The following DIS3L2 variants were observed in gnomAD, a reference collection of about 807,000 sequenced individuals.
DIS3L2 encodes the protein DIS3-like exonuclease 2.
A neutral mutation model predicts 97.5 loss-of-function variants in DIS3L2; 34 were observed. The ratio of observed to expected loss-of-function variants is 0.35; its 90% confidence interval spans 0.27 to 0.46. The LOEUF is 0.46. DIS3L2 is among the 20% of genes least tolerant of loss of function. The pLI is 1.00. For synonymous variants in DIS3L2, 435 were observed against 445.2 expected (o/e 0.98, Z 0.29); for missense variants, 1,038 against 1,146.0 (o/e 0.91, Z 1.36).
At chr2:232,257,705 G>A (rs1369563074) in intron 12 of DIS3L2, among the ~76,000 whole-genome samples, 2 of 152,204 alleles carry the variant, frequency 1.3e-5, no homozygotes, top group Admixed American at 1.3e-4. Flanking sequence ...TTAATGAAGT[G>A]CTGACATTTT....
At chr2:232,187,253 TAAC>T (rs1691465946) in intron 9 of DIS3L2, among the ~76,000 whole-genome samples, 2 of 152,138 alleles carry the variant, frequency 1.3e-5, no homozygotes, top group Non-Finnish European at 2.9e-5. Context: ...AAAATACAGA[TAAC>T]AAGTGTTGGT....
At chr2:232,083,577 C>A (rs944940563) in intron 5 of DIS3L2, among the ~76,000 whole-genome samples, 10 of 151,830 alleles carry the variant, frequency 6.6e-5, no homozygotes, top group Non-Finnish European at 1.3e-4. Flanking sequence ...TCACTGCAAC[C>A]TCTGCCCCCT....
intron 5 of DIS3L2, among the ~76,000 whole-genome samples, chr2:232,045,832 G>T (rs978324780): frequency 1.3e-5 from 2 of 151,798 alleles, no homozygotes; most frequent in Non-Finnish European, 1.5e-5. Flanking sequence ...CTGCCACCAC[G>T]CCCAGCTAAT....
chr2:232,330,863 C>T, intron 16 of DIS3L2, 87 bp downstream of exon 16: 1 of 1,322,034 alleles, frequency 7.6e-7, no homozygotes, highest in Non-Finnish European at 1.1e-6. Flanking sequence ...CACAGGCCCC[C>T]ACCGTTCCTG....
rs576072607 is a variant in DIS3L2, at chr2:232,317,913, T to C, written c.1740-11900T>C. Among the ~76,000 whole-genome samples, 3 of 152,354 alleles carry C rather than the reference T, an allele frequency of 2.0e-5. No homozygotes were observed. In the East Asian group the frequency reaches 5.8e-4, roughly 29 times the overall value. ...AAAGTTTATCTCATTTAATCCTCAC[T>C]AGAATAACCCTGCGAGGTAGGTAGA... is the stretch of plus-strand genomic sequence containing the variant. On this transcript the variant is annotated intron_variant, in intron 14 of 20. Transcript: ENST00000325385.
chr2:232,143,802 C>T (rs1404400488), intron 8 of DIS3L2, among the ~76,000 whole-genome samples: 1 of 152,040 alleles, frequency 6.6e-6, no homozygotes, highest in Non-Finnish European at 1.5e-5. Context: ...CAATACTGTT[C>T]AAGTTCCCTG....
At chr2:232,337,814 CTG>C (rs879542850), downstream of DIS3L2, among the ~76,000 whole-genome samples, 2 of 151,692 alleles carry the variant, frequency 1.3e-5, no homozygotes, top group Non-Finnish European at 2.9e-5. Context: ...GCGACAGTGA[CTG>C]GGTACTGCTG....
chr2:232,155,762 G>A (rs192228742), intron 8 of DIS3L2, among the ~76,000 whole-genome samples: 456 of 152,064 alleles, frequency 3.0e-3, no homozygotes, highest in African/African-American at 1.0e-2. Flanking sequence ...AGGCCGAGGC[G>A]GGCAGATCAC....
At chr2:232,319,036 C>A (rs1695355068) in intron 14 of DIS3L2, among the ~76,000 whole-genome samples, 1 of 152,226 alleles carries the variant, frequency 6.6e-6, no homozygotes. Flanking sequence ...CCAGTCTTAG[C>A]ACTGCTGGCC....
chr2:231,984,596 T>C (rs1574786299), intron 1 of DIS3L2, among the ~76,000 whole-genome samples: 1 of 151,670 alleles, frequency 6.6e-6, no homozygotes, highest in East Asian at 1.9e-4. Context: ...GGTTTCACCG[T>C]GTTAGCCAGG....
intron 6 of DIS3L2, among the ~76,000 whole-genome samples, chr2:232,098,023 G>T (rs183431873): frequency 6.6e-6 from 1 of 152,130 alleles, no homozygotes; most frequent in East Asian, 1.9e-4. Flanking sequence ...CTCTTTGGGC[G>T]TAGGGTGTAC....
intron 1 of DIS3L2, among the ~76,000 whole-genome samples, chr2:231,965,506 A>G (rs1692684530): frequency 6.6e-6 from 1 of 151,368 alleles, no homozygotes; most frequent in African/African-American, 2.4e-5. Flanking sequence ...TTGGGCATCC[A>G]CCAAAGATAC....
At chr2:232,261,722 A>G (rs1693716955) in intron 12 of DIS3L2, among the ~76,000 whole-genome samples, 1 of 152,260 alleles carries the variant, frequency 6.6e-6, no homozygotes, top group East Asian at 1.9e-4. Flanking sequence ...CAAATGCTCA[A>G]TGCCAGGAGC....
At chr2:232,273,443 T>C (rs1694057653) in intron 13 of DIS3L2, among the ~76,000 whole-genome samples, 1 of 152,234 alleles carries the variant, frequency 6.6e-6, no homozygotes, top group South Asian at 2.1e-4. Context: ...GAGTGGATTG[T>C]AGCTCTAGAA....
At chr2:232,109,081 A>T (rs1357890394) in intron 6 of DIS3L2, among the ~76,000 whole-genome samples, 1 of 151,704 alleles carries the variant, frequency 6.6e-6, no homozygotes, top group Non-Finnish European at 1.5e-5. Flanking sequence ...GGAACCACAA[A>T]AGTGCCTGAA....
At chr2:232,058,672 T>C (rs1559582793) in intron 5 of DIS3L2, among the ~76,000 whole-genome samples, 1 of 152,200 alleles carries the variant, frequency 6.6e-6, no homozygotes, top group Non-Finnish European at 1.5e-5. Flanking sequence ...CCTTCCTCTT[T>C]CTTGAGTCAA....
Position 232,018,920 on chromosome 2 carries a change from C to T in DIS3L2, c.210+3249C>T, listed in dbSNP as rs545085602. On this transcript the variant is annotated intron_variant, in intron 3 of 20. Coordinates refer to ENST00000325385, the MANE Select transcript of DIS3L2 (RefSeq NM_152383.5). ...AATTCTCACATCAAAAAATGTATTT[C>T]ATTTCTCTCTTCATAGGTAGAGTAC... Among the ~76,000 whole-genome samples, 15 of 152,152 alleles carry T rather than the reference C, an allele frequency of 9.9e-5. No homozygotes were observed. The East Asian group carries it at 2.9e-3, about 29-fold the overall frequency.
Position 232,268,182 on chromosome 2 carries a change from G to C in DIS3L2, c.1659+4742G>C, listed in dbSNP as rs1228703264. ...TGGGAATTCAGAGGAAGTTGAAGTA[G>C]TGGTGGAGAAAACCTGATGTTACCA... On this transcript the variant is annotated intron_variant, in intron 13 of 20. Coordinates refer to ENST00000325385, the MANE Select transcript of DIS3L2 (RefSeq NM_152383.5). The surrounding 1 kb of genome is among the most constrained non-coding windows in gnomAD (Gnocchi z 4.1). 6.6e-6 allele frequency among the ~76,000 whole-genome samples: 1 copy of C among 152,196 alleles called. No homozygotes were observed. Among genetic ancestry groups the C allele is most frequent in the African/African-American group, 2.4e-5 (1 of 41,450 alleles).
chr2:232,042,889 C>T (rs939724116), intron 5 of DIS3L2, among the ~76,000 whole-genome samples: 1 of 152,216 alleles, frequency 6.6e-6, no homozygotes, highest in African/African-American at 2.4e-5. Context: ...GCAGTGATGG[C>T]ACATTCTAAG....
Sources: gnomAD v4.1 joint callset for allele counts (sites outside exome capture counted in the v4.1 genomes callset) on GRCh38, gnomAD v4.1.1 for gene constraint, Gnocchi (gnomAD v3.1) non-coding constraint, MANE v1.5 for transcripts, NCBI Gene and HGNC (gene_info 2026-07-23, HGNC 2026-07-21) for gene names.